MALRD1: variants seen among roughly 807,000 people sequenced by gnomAD.
The protein encoded by MALRD1 is MAM and LDL-receptor class A domain-containing protein 1.
In MALRD1, 247 loss-of-function variants were observed where a neutral mutation model predicts 242.1. That is an observed-to-expected ratio of 1.02 (90% CI 0.92 to 1.13). MALRD1 has a LOEUF of 1.13. Ranked by LOEUF, MALRD1 falls within the 50% of genes most tolerant of loss-of-function variation. MALRD1 has a pLI of 0.00. For missense variants in MALRD1, 2,989 were observed against 2,533.1 expected (o/e 1.18, Z -3.86); for synonymous variants, 995 against 866.6 (o/e 1.15, Z -2.60).
At chr10:19,049,516 A>G (rs1834423053) in intron 1 of MALRD1, among the ~76,000 whole-genome samples, 1 of 152,212 alleles carries the variant, frequency 6.6e-6, no homozygotes. Flanking sequence ...ATGTGGAGAT[A>G]TTTGAAATGA....
intron 38 of MALRD1, among the ~76,000 whole-genome samples, chr10:19,705,579 G>A (rs1833824722): frequency 6.6e-6 from 1 of 152,038 alleles, no homozygotes; most frequent in South Asian, 2.1e-4. Context: ...AGCAAGAAAA[G>A]GGAAATTGAG....
chr10:19,440,792 C>T (rs11009933), intron 28 of MALRD1, among the ~76,000 whole-genome samples: 3,535 of 152,122 alleles, frequency 0.023, 155 homozygotes, highest in African/African-American at 0.081. Flanking sequence ...TGAATAGTGC[C>T]GCAATAAACA....
chr10:19,465,301 A>G (rs1274203970), intron 29 of MALRD1, among the ~76,000 whole-genome samples: 1 of 152,082 alleles, frequency 6.6e-6, no homozygotes, highest in Non-Finnish European at 1.5e-5. Context: ...TCTCAAAGGG[A>G]ATGCTTTCAA....
intron 21 of MALRD1, among the ~76,000 whole-genome samples, chr10:19,298,654 G>A (rs1841816403): frequency 6.6e-6 from 1 of 151,926 alleles, no homozygotes; most frequent in African/African-American, 2.4e-5. Context: ...GCATCAGCAG[G>A]ACTAGAAAAG....
intron 21 of MALRD1, among the ~76,000 whole-genome samples, chr10:19,313,590 G>A (rs1291549534): frequency 1.3e-5 from 2 of 151,068 alleles, no homozygotes; most frequent in Non-Finnish European, 3.0e-5. Flanking sequence ...ATTATATGAA[G>A]GTATTAAATG....
At chr10:19,231,548 C>T (rs182250459) in intron 18 of MALRD1, among the ~76,000 whole-genome samples, 1 of 152,062 alleles carries the variant, frequency 6.6e-6, no homozygotes, top group Non-Finnish European at 1.5e-5. Context: ...GCGGTTTCCC[C>T]CTGCTGTTCT....
chr10:19,550,863 C>T (rs1194314326), intron 32 of MALRD1, among the ~76,000 whole-genome samples: 1 of 152,088 alleles, frequency 6.6e-6, no homozygotes, highest in East Asian at 1.9e-4. Context: ...GTATATACCC[C>T]ATAATGGGAT....
At chr10:19,373,031 C>T (rs1282532802) in intron 26 of MALRD1, among the ~76,000 whole-genome samples, 1 of 151,736 alleles carries the variant, frequency 6.6e-6, no homozygotes, top group Non-Finnish European at 1.5e-5. Flanking sequence ...CCTGGCCATG[C>T]TTATTCTCAA....
intron 18 of MALRD1, among the ~76,000 whole-genome samples, chr10:19,251,866 G>A (rs1839305745): frequency 6.6e-6 from 1 of 151,916 alleles, no homozygotes; most frequent in Non-Finnish European, 1.5e-5. Flanking sequence ...TGATGAGGGA[G>A]TTCTCATGAG....
chr10:19,244,119 C>A (rs1225856696), intron 18 of MALRD1, among the ~76,000 whole-genome samples: 2 of 152,202 alleles, frequency 1.3e-5, no homozygotes, highest in East Asian at 3.9e-4. Flanking sequence ...TAAGAAAAGA[C>A]CTTTTACTCA....
intron 1 of MALRD1, among the ~76,000 whole-genome samples, chr10:19,060,384 A>T (rs766111358): frequency 2.0e-5 from 3 of 152,128 alleles, no homozygotes; most frequent in Admixed American, 2.0e-4. Context: ...TTAACCATCG[A>T]CACAAGGTGA....
At chr10:19,406,058 T>A (rs907485945) in intron 28 of MALRD1, among the ~76,000 whole-genome samples, 2 of 152,130 alleles carry the variant, frequency 1.3e-5, no homozygotes, top group Non-Finnish European at 1.5e-5. Context: ...GGCAAATTAT[T>A]TAGAATCCAT....
rs1833721338 is a variant in MALRD1, at chr10:19,146,196, A to T, written c.1412-2A>T. On this transcript the variant is annotated splice_acceptor_variant, in intron 10 of 39. Transcript: ENST00000454679. LOFTEE classifies it high-confidence loss of function. ...ACCTGTTTTCTCTTCTACGTGTAAC[A>T]GCAAAGCATCTCACCTGTGACTTTG... The T allele has an allele frequency of 8.1e-7, 1 of 1,231,502 alleles. No individual in the cohort carries two copies. Among genetic ancestry groups the T allele is most frequent in the Admixed American group, 4.2e-5 (1 of 23,676 alleles). 76.3% of individuals were successfully genotyped at this position (1,231,502 alleles called of 1,614,324 possible). A position where few individuals can be genotyped will look rare whatever the true frequency, so the allele number is the denominator to read the frequency against.
Position 19,052,875 on chromosome 10 carries a change from C to G in MALRD1, c.199+3738C>G, listed in dbSNP as rs576637077. Reference sequence around the variant, plus strand: ...TTTTGGCATATCTTCTCTCCTCCACCTTTATCGAGGGGTGATGCTTTTTCT... The same window carrying G: ...TTTTGGCATATCTTCTCTCCTCCACGTTTATCGAGGGGTGATGCTTTTTCT... On this transcript the variant is annotated intron_variant, in intron 1 of 39. Transcript: ENST00000454679. 2.0e-5 allele frequency among the ~76,000 whole-genome samples: 3 copies of G among 152,288 alleles called. No individual in the cohort carries two copies. In the South Asian group the frequency reaches 6.2e-4, roughly 32 times the overall value.
At position 19,387,766 on chromosome 10, in the gene MALRD1, T is replaced by G; in HGVS notation, c.4680T>G (p.Asn1560Lys). The change falls in exon 27 of 40, where the codon AAT becomes AAG. Residue 1560 changes from asparagine (N) to lysine (K), a missense_variant. By Grantham distance (94) the Asn-to-Lys change is moderately conservative. Coordinates refer to ENST00000454679, the MANE Select transcript of MALRD1 (RefSeq NM_001142308.3). ...LRPPKDHTLG[N>K]ENGHFMYLEA... ...CTCCCAAAGACCACACACTTGGAAA[T>G]GAAAATGGTAGGTTATTAGATTGTT... 1 of 1,547,228 alleles carries G rather than the reference T, an allele frequency of 6.5e-7. No individual in the cohort carries two copies. The highest frequency in any genetic ancestry group is 1.4e-5 in the African/African-American group (1 of 72,814).
At chr10:19,304,885 G>T (rs761180597) in intron 21 of MALRD1, among the ~76,000 whole-genome samples, 1 of 151,630 alleles carries the variant, frequency 6.6e-6, no homozygotes, top group African/African-American at 2.4e-5. Flanking sequence ...TGTCTATTTG[G>T]CAAGCATTCC....
chr10:19,127,035 G>T (rs943717091), intron 7 of MALRD1, among the ~76,000 whole-genome samples: 2 of 152,114 alleles, frequency 1.3e-5, no homozygotes, highest in African/African-American at 4.8e-5. Flanking sequence ...GCATTAGTTT[G>T]CTCAGGATAA....
chr10:19,510,967 A>G (rs1364521906), intron 31 of MALRD1, among the ~76,000 whole-genome samples: 1 of 152,182 alleles, frequency 6.6e-6, no homozygotes, highest in Non-Finnish European at 1.5e-5. Context: ...TGTTCAGCCA[A>G]CAGGTAGTCC....
At chr10:19,131,802 T>A (rs1833120938) in intron 8 of MALRD1, among the ~76,000 whole-genome samples, 1 of 152,284 alleles carries the variant, frequency 6.6e-6, no homozygotes, top group East Asian at 1.9e-4. Context: ...AGCAAAGATA[T>A]ATTTTTTAAA....
Sources: gnomAD v4.1 joint callset for allele counts (sites outside exome capture counted in the v4.1 genomes callset) on GRCh38, gnomAD v4.1.1 for gene constraint, MANE v1.5 for transcripts, NCBI Gene and HGNC (gene_info 2026-07-23, HGNC 2026-07-21) for gene names.